Variants in F2 observed in about 807,000 individuals in gnomAD.
F2 encodes prothrombin.
F2 carries 34 observed loss-of-function variants against 81.9 expected under a neutral mutation model. The observed-to-expected ratio is 0.42, with a 90% CI of 0.32 to 0.55. The LOEUF is 0.55. Among genes scored for constraint, F2 ranks in the 20% least tolerant of loss-of-function variants. The pLI is 0.18. For synonymous variants in F2, 296 were observed against 326.4 expected (o/e 0.91, Z 1.01); for missense variants, 630 against 833.4 (o/e 0.76, Z 3.00).
At chr11:46,722,651 C>T (rs1371946531) in intron 4 of F2, among the ~76,000 whole-genome samples, 1 of 152,150 alleles carries the variant, frequency 6.6e-6, no homozygotes, top group Non-Finnish European at 1.5e-5. Context: ...GTTCAAGGCA[C>T]CAAGAGACCA....
rs1446867448 is a variant in F2 at position 46,728,847 on chromosome 11, C to G, written c.1472+10C>G. ...GGGAGACGGCAGCCAGGTGGGCCACCAGATGCTTGTTAGCTGAGGGGCAGA... is the reference window on the plus strand; with the variant it reads ...GGGAGACGGCAGCCAGGTGGGCCACGAGATGCTTGTTAGCTGAGGGGCAGA... On this transcript the variant is annotated intron_variant, in intron 11 of 13. Coordinates refer to ENST00000311907, the MANE Select transcript of F2 (RefSeq NM_000506.5). This position sits in a 1 kb window ranked among gnomAD's most constrained non-coding sequence, Gnocchi z 5.1. 1.2e-6 allele frequency: 2 copies of G among 1,612,846 alleles called. No homozygotes were observed. The highest frequency in any genetic ancestry group is 4.5e-5 in the East Asian group (2 of 44,898).
intron 12 of F2, among the ~76,000 whole-genome samples, chr11:46,732,135 C>G (rs1056765894): frequency 2.6e-5 from 4 of 151,588 alleles, no homozygotes; most frequent in Non-Finnish European, 5.9e-5. Context: ...AGGATGGTCT[C>G]GAACTCCTGA....
intron 12 of F2, among the ~76,000 whole-genome samples, chr11:46,737,941 C>T (rs1263974162): frequency 6.6e-6 from 1 of 151,814 alleles, no homozygotes; most frequent in East Asian, 1.9e-4. Flanking sequence ...TCAAGCAATC[C>T]TCTTCTTGCT....
chr11:46,729,259 C>T (rs2064895277), intron 11 of F2, 121 bp from the exon 12 acceptor site: 5 of 1,133,474 alleles, frequency 4.4e-6, no homozygotes, highest in Non-Finnish European at 5.0e-6. Context: ...AGACCACAGG[C>T]GTGAACGTCT....
Position 46,726,371 on chromosome 11 carries a change from C to T in F2, c.875-127C>T, listed in dbSNP as rs756486141. ...CCCAGGAGGTTATTGCCTAGTAGCC[C>T]AACTGTGCATGCACGCTTAACCTCT... On this transcript the variant is annotated intron_variant, in intron 7 of 13. Coordinates refer to ENST00000311907, the MANE Select transcript of F2 (RefSeq NM_000506.5). The surrounding 1 kb of genome is among the most constrained non-coding windows in gnomAD (Gnocchi z 5.9). The T allele has an allele frequency of 6.6e-7, 1 of 1,515,286 alleles. No individual in the cohort carries two copies. Among genetic ancestry groups the T allele is most frequent in the Non-Finnish European group, 8.9e-7 (1 of 1,118,586 alleles). 93.9% of individuals were successfully genotyped at this position (1,515,286 alleles called of 1,614,324 possible).
In F2 at chr11:46,726,161, C is replaced by T. The variant is rs2064871266; in HGVS notation, c.862C>T (p.Leu288Phe). 6.2e-7 allele frequency: 1 copy of T among 1,613,736 alleles called. No individual in the cohort carries two copies. The highest frequency in any genetic ancestry group is 1.1e-5 in the South Asian group (1 of 91,092). Reference protein sequence around the residue: ...GKPGDFGYCDLNYCEEAVEEE... With the variant: ...GKPGDFGYCDFNYCEEAVEEE... ...GCCTGGCGACTTTGGGTACTGCGAC[C>T]TCAACTATTGTGGTGAGCTGCCTGG... Residue 288 changes from leucine (L) to phenylalanine (F), a missense_variant, in exon 7 of 14, where the codon CTC (leucine) becomes TTC (phenylalanine). By Grantham distance (22) the Leu-to-Phe change is conservative. Transcript: ENST00000311907. The surrounding 1 kb of genome is among the most constrained non-coding windows in gnomAD (Gnocchi z 5.9).
At chr11:46,736,403 G>A (rs751327475) in intron 12 of F2, among the ~76,000 whole-genome samples, 17 of 151,934 alleles carry the variant, frequency 1.1e-4, no homozygotes, top group Non-Finnish European at 2.5e-4. Context: ...GATTACAGAC[G>A]TGAGCCACCA....
intron 4 of F2, among the ~76,000 whole-genome samples, chr11:46,721,697 T>C (rs3136441): frequency 0.14 from 21,572 of 152,104 alleles, 2,500 homozygotes; most frequent in East Asian, 0.59. Flanking sequence ...AAAATGGAAC[T>C]CTTTGTTTAT....
At position 46,728,156 on chromosome 11, in the gene F2, C is replaced by T. The variant is rs1468606669; in HGVS notation, c.1291C>T (p.Arg431Cys). ...TCTGGTGCGCATTGGCAAGCACTCC[C>T]GCACCAGGTACAGAACTGGTGGCCC... is the stretch of plus-strand genomic sequence containing the variant. ...DLLVRIGKHS[R>C]TRYERNIEKI... The change falls in exon 10 of 14, where the codon CGC becomes TGC. Residue 431 changes from arginine (R) to cysteine (C), a missense_variant. Transcript: ENST00000311907. This position sits in a 1 kb window ranked among gnomAD's most constrained non-coding sequence, Gnocchi z 5.1. 7.5e-6 allele frequency: 12 copies of T among 1,608,058 alleles called. No individual in the cohort carries two copies. Among genetic ancestry groups the T allele is most frequent in the South Asian group, 2.2e-5 (2 of 89,212 alleles).
chr11:46,728,606 C>T lies in F2; in HGVS notation c.1299-58C>T. 1.2e-6 allele frequency: 2 copies of T among 1,603,816 alleles called. No individual in the cohort carries two copies. The highest frequency in any genetic ancestry group is 3.3e-5 in the Admixed American group (2 of 59,908). ...CCCAGACCCCAAGGGCAGGCAGTTT[C>T]CTGCTCCTTGCTGGGTGAACCTGCA... On this transcript the variant is annotated intron_variant, in intron 10 of 13. Transcript: ENST00000311907. The surrounding 1 kb of genome is among the most constrained non-coding windows in gnomAD (Gnocchi z 5.1).
chr11:46,738,220 T>C (rs951694751), intron 12 of F2, among the ~76,000 whole-genome samples: 10 of 151,884 alleles, frequency 6.6e-5, no homozygotes, highest in East Asian at 2.0e-4. Context: ...AGGCTGGTCT[T>C]AAACTCCTGA....
rs1373316518 is a variant in F2, at chr11:46,728,809, T to A, written c.1444T>A (p.Cys482Ser). ...VAFSDYIHPV[C>S]LPDRETAASL... ...CTTCAGTGACTACATTCACCCTGTG[T>A]GTCTGCCCGACAGGGAGACGGCAGC... The change falls in exon 11 of 14, where the codon TGT becomes AGT. Residue 482 changes from cysteine (C) to serine (S), a missense_variant. Cys to Ser is a moderately radical substitution (Grantham distance 112). Transcript: ENST00000311907. This position sits in a 1 kb window ranked among gnomAD's most constrained non-coding sequence, Gnocchi z 5.1. The A allele has an allele frequency of 6.2e-7, 1 of 1,613,992 alleles. No homozygotes were observed. Among genetic ancestry groups the A allele is most frequent in the East Asian group, 2.2e-5 (1 of 44,898 alleles).
Position 46,719,855 on chromosome 11 carries a change from C to T in F2, c.233C>T (p.Thr78Met), listed in dbSNP as rs200934494. The change falls in exon 2 of 14, where the codon ACG becomes ATG. Residue 78 changes from threonine (T) to methionine (M), a missense_variant. Thr to Met is a moderately conservative substitution (Grantham distance 81, BLOSUM62 -1). Transcript: ENST00000311907. This position sits in a 1 kb window ranked among gnomAD's most constrained non-coding sequence, Gnocchi z 4.7. ...EEAFEALESS[T>M]ATDVFWAKYT... ...GCCTTCGAGGCTCTGGAGTCCTCCACGGCTACGGTGAGCCTGGGCTGCTCG... is the reference window on the plus strand; with the variant it reads ...GCCTTCGAGGCTCTGGAGTCCTCCATGGCTACGGTGAGCCTGGGCTGCTCG... 184 of 1,566,124 alleles carry T rather than the reference C, an allele frequency of 1.2e-4. No individual in the cohort carries two copies. The highest frequency in any genetic ancestry group is 1.5e-4 in the Non-Finnish European group (175 of 1,156,536).
chr11:46,729,676 C>T (rs901361165), intron 12 of F2, 115 bp downstream of exon 12: 4 of 1,154,374 alleles, frequency 3.5e-6, no homozygotes, highest in Admixed American at 2.3e-5. Context: ...CTTGGTGGCT[C>T]AGTTTCTTCC....
intron 12 of F2, among the ~76,000 whole-genome samples, chr11:46,736,727 C>T (rs189333400): frequency 9.2e-5 from 14 of 152,314 alleles, no homozygotes; most frequent in Admixed American, 3.3e-4. Flanking sequence ...GAGGCTTTAG[C>T]GTACATAGCT....
chr11:46,729,504 C>A lies in F2; in HGVS notation c.1597C>A (p.Arg533=), dbSNP rs766441152. The A allele has an allele frequency of 3.7e-6, 6 of 1,613,894 alleles. No homozygotes were observed. In the East Asian group the frequency reaches 1.1e-4, roughly 30 times the overall value. The change falls in exon 12 of 14, where the codon CGG becomes AGG. Residue 533 remains arginine, a synonymous_variant. Transcript: ENST00000311907. The stretch of plus-strand genomic sequence containing the variant: ...GGTGGTGAACCTGCCCATTGTGGAG[C>A]GGCCGGTCTGCAAGGACTCCACCCG... ...LQVVNLPIVE[R]PVCKDSTRIR...
intron 12 of F2, among the ~76,000 whole-genome samples, chr11:46,731,638 T>G (rs1218850232): frequency 6.6e-6 from 1 of 152,004 alleles, no homozygotes; most frequent in Non-Finnish European, 1.5e-5. Context: ...TTGTCTTCTA[T>G]GACCTTGACA....
rs1488783959 is a variant in F2 at position 46,719,695 on chromosome 11, C to T, written c.80-7C>T. On this transcript the variant is annotated splice_region_variant and splice_polypyrimidine_tract_variant and intron_variant, in intron 1 of 13. Transcript: ENST00000311907. This position sits in a 1 kb window ranked among gnomAD's most constrained non-coding sequence, Gnocchi z 4.7. ...CGCTGTCCCATGACCCCCCCACCGC[C>T]TTACAGTGTTCCTGGCTCCTCAGCA... is the stretch of plus-strand genomic sequence containing the variant. 2 of 1,585,850 alleles carry T rather than the reference C, an allele frequency of 1.3e-6. No individual in the cohort carries two copies. The highest frequency in any genetic ancestry group is 1.7e-6 in the Non-Finnish European group (2 of 1,167,296).
rs779975546 is a variant in F2, at chr11:46,719,460, G to A, written c.79+146G>A. On this transcript the variant is annotated intron_variant, in intron 1 of 13. Transcript: ENST00000311907. The surrounding 1 kb of genome is among the most constrained non-coding windows in gnomAD (Gnocchi z 4.7). ...GGCCAGCTTAGGGAAGAAGTCAGGA[G>A]CTCAGGGCTGGAAAGAGAATGGCTG... 6.7e-6 allele frequency: 7 copies of A among 1,038,942 alleles called. No individual in the cohort carries two copies. The South Asian group carries it at 8.2e-5, about 12-fold the overall frequency. The allele number at this position is 1,038,942 out of a possible 1,614,324, so 64.4% of individuals were successfully genotyped here. A position where few individuals can be genotyped will look rare whatever the true frequency, so the allele number is the denominator to read the frequency against.
Sources: allele counts gnomAD v4.1 joint callset (sites outside exome capture counted in the v4.1 genomes callset), GRCh38; gene constraint gnomAD v4.1.1; non-coding constraint Gnocchi (gnomAD v3.1); transcripts MANE v1.5; gene names NCBI Gene and HGNC (gene_info 2026-07-23, HGNC 2026-07-21).